Variants in DMD observed in about 807,000 individuals in gnomAD.
DMD encodes the protein dystrophin.
DMD carries 63 observed loss-of-function variants against 330.1 expected under a neutral mutation model. The ratio of observed to expected loss-of-function variants is 0.19; its 90% CI spans 0.16 to 0.24. The LOEUF (loss-of-function observed/expected upper bound fraction) is 0.24. DMD is among the 10% of genes least tolerant of loss of function. The probability of loss-of-function intolerance (pLI) is 1.00; values close to 1 mark genes in which losing one functional copy is unlikely to be tolerated. For synonymous variants in DMD, 1,223 were observed against 959.8 expected (o/e 1.27, Z -5.07); for missense variants, 3,344 against 2,684.1 (o/e 1.25, Z -5.43).
chrX:31,494,162 A>C (rs2069601225), intron 57 of DMD, among the ~76,000 whole-genome samples: 2 of 108,680 alleles, frequency 1.8e-5, no homozygotes, highest in South Asian at 8.3e-4. Flanking sequence ...TCTCAAAAAA[A>C]AAAAAAAAAA....
intron 2 of DMD, among the ~76,000 whole-genome samples, chrX:32,925,249 T>C (rs1409766626): frequency 1.9e-5 from 2 of 104,900 alleles, no homozygotes; most frequent in Admixed American, 1.1e-4. Flanking sequence ...TCTCAGTATG[T>C]GACCTGCTGG....
intron 2 of DMD, among the ~76,000 whole-genome samples, chrX:32,889,258 G>C (rs1051628021): frequency 9.0e-6 from 1 of 111,397 alleles, no homozygotes. Flanking sequence ...GGGTACAGTA[G>C]AATAATTTCC....
chrX:31,424,812 T>G (rs768883771), intron 60 of DMD, among the ~76,000 whole-genome samples: 22 of 112,138 alleles, frequency 2.0e-4, no homozygotes, highest in African/African-American at 6.5e-4. Flanking sequence ...GGCATCCTCC[T>G]TGAATTCAGG....
intron 43 of DMD, among the ~76,000 whole-genome samples, chrX:32,276,381 GGGAGACACCAGCTGGCATGGCTA>G (rs2148383758): frequency 8.9e-6 from 1 of 112,559 alleles, no homozygotes; most frequent in African/African-American, 3.2e-5. Context: ...ATGTGACCTA[GGGAGACACCAGCTGGCATGGCTA>G]AGGGAGTGCT....
At chrX:32,438,031 C>T (rs1286971540) in intron 29 of DMD, among the ~76,000 whole-genome samples, 4 of 111,659 alleles carry the variant, frequency 3.6e-5, no homozygotes, top group African/African-American at 1.3e-4. Context: ...GTCTCAGTTG[C>T]CTTTTAAGAA....
chrX:32,673,769 C>T (rs1365623125), intron 9 of DMD, among the ~76,000 whole-genome samples: 1 of 112,073 alleles, frequency 8.9e-6, no homozygotes, highest in East Asian at 2.8e-4. Flanking sequence ...CCCTGTGCTG[C>T]AAATTTTCTC....
intron 62 of DMD, among the ~76,000 whole-genome samples, chrX:31,321,657 T>C (rs956054075): frequency 3.1e-5 from 3 of 96,775 alleles, no homozygotes; most frequent in African/African-American, 1.2e-4. Flanking sequence ...CCTAAAGCCA[T>C]ACAGTCGCCT....
intron 7 of DMD, among the ~76,000 whole-genome samples, chrX:32,790,627 T>G (rs2075745738): frequency 9.0e-6 from 1 of 111,527 alleles, no homozygotes; most frequent in Admixed American, 9.5e-5. Flanking sequence ...CTGCAACTGC[T>G]GGGGCCAAGG....
rs762661590 is a variant in DMD, at chrX:31,448,423, G to A, written c.8938-3796C>T. Among the ~76,000 whole-genome samples, 215 of 111,943 alleles carry A rather than the reference G, an allele frequency of 1.9e-3. 2 individuals are homozygous for A. Among genetic ancestry groups the A allele is most frequent in the Non-Finnish European group, 3.1e-3 (166 of 53,214 alleles). ...AGCATACATAACAAGAAGTATGGCC[G>A]CCTAAACACAGAGTCACAAGACCTT... On this transcript the variant is annotated intron_variant, in intron 59 of 78. Coordinates refer to ENST00000357033, the MANE Select transcript of DMD (RefSeq NM_004006.3).
At chrX:32,930,734 T>A (rs2089510740) in intron 2 of DMD, among the ~76,000 whole-genome samples, 1 of 110,423 alleles carries the variant, frequency 9.1e-6, no homozygotes. Flanking sequence ...CTTCATTTGA[T>A]AAATCTTTAC....
chrX:32,817,900 G>T (rs893880438), intron 5 of DMD, among the ~76,000 whole-genome samples: 1 of 111,470 alleles, frequency 9.0e-6, no homozygotes, highest in Non-Finnish European at 1.9e-5. Context: ...GTAACGATTC[G>T]GAGATATGAA....
At chrX:32,897,094 C>CA (rs200729327) in intron 2 of DMD, among the ~76,000 whole-genome samples, 117 of 80,560 alleles carry the variant, frequency 1.5e-3, no homozygotes, top group Admixed American at 0.012. Flanking sequence ...GCATTTTATG[C>CA]GTTTTTTTTA....
At chrX:31,751,520 T>TCTAA (rs1158310039) in intron 51 of DMD, among the ~76,000 whole-genome samples, 1 of 111,967 alleles carries the variant, frequency 8.9e-6, no homozygotes, top group African/African-American at 3.2e-5. Flanking sequence ...CTCATCTTTC[T>TCTAA]CTAACTTCAT....
chrX:32,743,256 A>T (rs1704134501), intron 7 of DMD, among the ~76,000 whole-genome samples: 1 of 110,825 alleles, frequency 9.0e-6, no homozygotes, highest in African/African-American at 3.3e-5. Flanking sequence ...GTTCCACATA[A>T]TTTTCTTCAA....
intron 41 of DMD, among the ~76,000 whole-genome samples, chrX:32,340,386 A>T (rs2097735744): frequency 9.0e-6 from 1 of 111,707 alleles, no homozygotes; most frequent in African/African-American, 3.3e-5. Context: ...ACAATTTTTT[A>T]AAAATATATA....
At chrX:31,228,121 T>G (rs111380109) in intron 63 of DMD, among the ~76,000 whole-genome samples, 1,796 of 57,882 alleles carry the variant, frequency 0.031, 21 homozygotes, top group African/African-American at 0.082. Context: ...GTGGGGGGAG[T>G]GGGGGGGATA....
chrX:32,581,951 G>A (rs764484161), intron 13 of DMD, among the ~76,000 whole-genome samples: 14 of 111,762 alleles, frequency 1.3e-4, no homozygotes, highest in East Asian at 1.1e-3. Flanking sequence ...AGAAAAATAC[G>A]ACCATCTCAA....
chrX:31,965,490 T>C (rs950753114), intron 45 of DMD, among the ~76,000 whole-genome samples: 3 of 111,978 alleles, frequency 2.7e-5, no homozygotes, highest in African/African-American at 6.5e-5. Flanking sequence ...TAGGTACTGA[T>C]TGTACTACTG....
chrX:32,854,349 C>T (rs756615620), intron 2 of DMD, among the ~76,000 whole-genome samples: 2 of 111,267 alleles, frequency 1.8e-5, no homozygotes, highest in Non-Finnish European at 3.8e-5. Flanking sequence ...CTTATCTGAC[C>T]ACAGTTGAAT....
Sources: allele counts gnomAD v4.1 joint callset (sites outside exome capture counted in the v4.1 genomes callset), GRCh38; gene constraint gnomAD v4.1.1; transcripts MANE v1.5; gene names NCBI Gene and HGNC (gene_info 2026-07-23, HGNC 2026-07-21).